Variants in GABRA5 observed in about 807,000 individuals in gnomAD.
The protein encoded by GABRA5 is gamma-aminobutyric acid type A receptor subunit alpha5.
GABRA5 carries 18 observed loss-of-function variants against 47.3 expected under a neutral mutation model. The ratio of observed to expected loss-of-function variants is 0.38; its 90% CI spans 0.26 to 0.56. The LOEUF is 0.56. GABRA5 is among the 20% of genes least tolerant of loss of function. The probability of loss-of-function intolerance (pLI) is 0.71; values close to 1 mark genes in which losing one functional copy is unlikely to be tolerated. For synonymous variants in GABRA5, 237 were observed against 229.3 expected (o/e 1.03, Z -0.30); for missense variants, 365 against 599.3 (o/e 0.61, Z 4.08).
chr15:26,881,375 G>A (rs975212473), intron 4 of GABRA5, among the ~76,000 whole-genome samples: 1 of 152,132 alleles, frequency 6.6e-6, no homozygotes, highest in African/African-American at 2.4e-5. Context: ...GTATCTATGC[G>A]AGTCCTTTTC....
At chr15:26,935,028 C>A (rs1341951219) in intron 7 of GABRA5, among the ~76,000 whole-genome samples, 1 of 152,012 alleles carries the variant, frequency 6.6e-6, no homozygotes, top group Non-Finnish European at 1.5e-5. Flanking sequence ...GCACTGCAAC[C>A]TGATTGCCTC....
intron 6 of GABRA5, among the ~76,000 whole-genome samples, chr15:26,893,373 G>GGGTATAGTGTGTGT (rs1893075722): frequency 3.1e-4 from 1 of 3,200 alleles, no homozygotes. Context: ...TGTAGCGTGT[G>GGGTATAGTGTGTGT]GCGGGACTAT....
chr15:26,874,727 G>T (rs1418111277), intron 3 of GABRA5, among the ~76,000 whole-genome samples: 2 of 152,198 alleles, frequency 1.3e-5, no homozygotes, highest in Non-Finnish European at 2.9e-5. Context: ...GGCTTCAGCA[G>T]TTCATTGAAA....
intron 7 of GABRA5, among the ~76,000 whole-genome samples, chr15:26,932,533 C>G (rs1595431625): frequency 1.3e-5 from 2 of 152,186 alleles, no homozygotes; most frequent in East Asian, 3.8e-4. Flanking sequence ...TAAATTAGTT[C>G]AACCATTGTG....
At chr15:26,927,388 A>T (rs190442447) in intron 7 of GABRA5, among the ~76,000 whole-genome samples, 1 of 152,024 alleles carries the variant, frequency 6.6e-6, no homozygotes, top group African/African-American at 2.4e-5. Flanking sequence ...CTGGGATTAC[A>T]TGTGTGCACC....
rs542511572 is a variant in GABRA5, at chr15:26,869,440, A to G, written c.86+106A>G. On this transcript the variant is annotated intron_variant, in intron 3 of 10. Coordinates refer to ENST00000335625, the MANE Select transcript of GABRA5 (RefSeq NM_000810.4). ...ATTGAGCAAGTCCTCGCCTGCCACC[A>G]TTGCAGTCCCAAGCCCTTCACTTGT... 3.0e-4 allele frequency: 224 copies of G among 740,684 alleles called. 4 individuals carry two copies. In the South Asian group the frequency reaches 3.2e-3, roughly 10 times the overall value. 45.9% of individuals were successfully genotyped at this position (740,684 alleles called of 1,614,324 possible). A position where few individuals can be genotyped will look rare whatever the true frequency, so the allele number is the denominator to read the frequency against.
chr15:26,928,346 CAT>C (rs1489020121), intron 7 of GABRA5, among the ~76,000 whole-genome samples: 3 of 152,180 alleles, frequency 2.0e-5, no homozygotes, highest in Non-Finnish European at 4.4e-5. Context: ...CTCGTGTGAA[CAT>C]GTTACAGTCT....
chr15:26,934,295 A>G (rs1201994631), intron 7 of GABRA5, among the ~76,000 whole-genome samples: 5 of 151,976 alleles, frequency 3.3e-5, no homozygotes, highest in Non-Finnish European at 7.4e-5. Context: ...GGAAAGAAAG[A>G]AAGAATGGGA....
At chr15:26,895,812 CA>C (rs376170037) in intron 6 of GABRA5, among the ~76,000 whole-genome samples, 63,974 of 122,828 alleles carry the variant, frequency 0.52, 16,767 homozygotes, top group East Asian at 0.63. Flanking sequence ...AAGACTCCGT[CA>C]AAAAAAAAAA....
chr15:26,943,489 A>G, intron 10 of GABRA5, 63 bp downstream of exon 10: 1 of 1,416,560 alleles, frequency 7.1e-7, no homozygotes. Flanking sequence ...GCCTGATTCT[A>G]TCCAAACATG....
chr15:26,874,079 T>A (rs549698705), intron 3 of GABRA5, among the ~76,000 whole-genome samples: 2 of 152,122 alleles, frequency 1.3e-5, no homozygotes, highest in African/African-American at 4.8e-5. Context: ...CGGGAGTGAG[T>A]CACCGACTCC....
At chr15:26,878,041 C>T (rs1418224102) in intron 3 of GABRA5, among the ~76,000 whole-genome samples, 3 of 152,210 alleles carry the variant, frequency 2.0e-5, no homozygotes, top group Admixed American at 6.5e-5. Context: ...AGTGGCGCGT[C>T]GGCGAGTGTA....
intron 7 of GABRA5, among the ~76,000 whole-genome samples, chr15:26,926,935 A>T (rs1050336339): frequency 3.3e-5 from 5 of 152,208 alleles, no homozygotes; most frequent in Non-Finnish European, 7.3e-5. Context: ...TAAATCATTT[A>T]TCACACTCAA....
intron 7 of GABRA5, among the ~76,000 whole-genome samples, chr15:26,918,601 A>G (rs1160699343): frequency 1.3e-5 from 2 of 152,054 alleles, no homozygotes; most frequent in Non-Finnish European, 2.9e-5. Context: ...AGTTCTGTCA[A>G]TGTTTGCATT....
chr15:26,890,402 A>G (rs1892976164), intron 6 of GABRA5, among the ~76,000 whole-genome samples: 1 of 147,534 alleles, frequency 6.8e-6, no homozygotes, highest in South Asian at 2.1e-4. Context: ...ACAGTTACTC[A>G]TCTCAAGATT....
At chr15:26,876,084 G>A (rs915309061) in intron 3 of GABRA5, among the ~76,000 whole-genome samples, 3 of 152,108 alleles carry the variant, frequency 2.0e-5, no homozygotes, top group Non-Finnish European at 4.4e-5. Flanking sequence ...TGACCCCTAG[G>A]TATTTTGCTA....
At chr15:26,887,054 C>T (rs1047265697) in intron 6 of GABRA5, among the ~76,000 whole-genome samples, 19 of 152,160 alleles carry the variant, frequency 1.2e-4, no homozygotes, top group African/African-American at 3.6e-4. Flanking sequence ...GTTGGGAAGA[C>T]GCCACACTGT....
chr15:26,887,869 G>A (rs1390131314), intron 6 of GABRA5, among the ~76,000 whole-genome samples: 3 of 152,154 alleles, frequency 2.0e-5, no homozygotes, highest in Non-Finnish European at 4.4e-5. Context: ...AGGGTGATCA[G>A]CATATCCGTC....
chr15:26,929,810 C>T (rs1168719743), intron 7 of GABRA5, among the ~76,000 whole-genome samples: 1 of 152,164 alleles, frequency 6.6e-6, no homozygotes, highest in Non-Finnish European at 1.5e-5. Context: ...TTTGCATTCT[C>T]CCATTGTCTT....
Sources: allele counts gnomAD v4.1 joint callset (sites outside exome capture counted in the v4.1 genomes callset), GRCh38; gene constraint gnomAD v4.1.1; transcripts MANE v1.5; gene names NCBI Gene and HGNC (gene_info 2026-07-23, HGNC 2026-07-21).